FAM193B: variants seen among roughly 807,000 people sequenced by gnomAD.
The protein encoded by FAM193B is protein FAM193B.
In FAM193B, 27 loss-of-function variants were observed where a neutral mutation model predicts 70.7. That is an observed-to-expected ratio of 0.38 (90% confidence interval 0.28 to 0.53). FAM193B has a LOEUF of 0.53. Among genes scored for constraint, FAM193B ranks in the 20% least tolerant of loss-of-function variants. The probability of loss-of-function intolerance (pLI) is 0.81; values close to 1 mark genes in which losing one functional copy is unlikely to be tolerated. For missense variants in FAM193B, 1,022 were observed against 1,072.5 expected, an observed-to-expected ratio of 0.95 and a Z score of 0.66; for synonymous variants, 448 against 436.0, an observed-to-expected ratio of 1.03 and a Z score of -0.34.
chr5:177,530,354 C>A (rs1331648776), intron 5 of FAM193B, among the ~76,000 whole-genome samples: 1 of 152,202 alleles, frequency 6.6e-6, no homozygotes, highest in Admixed American at 6.5e-5. Flanking sequence ...TTCTGCAAAT[C>A]CCATCCTGGC....
chr5:177,553,956 C>G, intron 1 of FAM193B: 1 of 1,238,484 alleles, frequency 8.1e-7, no homozygotes, highest in Non-Finnish European at 1.0e-6. Flanking sequence ...GGGATCACAG[C>G]CCAGTCCCAG....
At chr5:177,526,896 G>C (rs758448449) in intron 5 of FAM193B, among the ~76,000 whole-genome samples, 1 of 152,234 alleles carries the variant, frequency 6.6e-6, no homozygotes, top group Non-Finnish European at 1.5e-5. Flanking sequence ...TTTAGCGTAC[G>C]TGAGACATTC....
At chr5:177,552,095 G>A (rs1433186851) in intron 1 of FAM193B, 4 of 984,572 alleles carry the variant, frequency 4.1e-6, no homozygotes, top group South Asian at 4.7e-5. Flanking sequence ...AGTCATTTGG[G>A]CAAATGTTTA....
intron 1 of FAM193B, among the ~76,000 whole-genome samples, chr5:177,540,197 C>G (rs1764676665): frequency 6.6e-6 from 1 of 151,528 alleles, no homozygotes; most frequent in African/African-American, 2.4e-5. Context: ...GTCCCAGCTA[C>G]TCGGGAGGCT....
intron 4 of FAM193B, among the ~76,000 whole-genome samples, chr5:177,533,066 G>T (rs973973548): frequency 2.3e-4 from 35 of 152,224 alleles, no homozygotes; most frequent in Admixed American, 2.1e-3. Context: ...CCTGCACACA[G>T]CAGGTGCTCA....
Position 177,532,270 on chromosome 5 carries a change from C to T in FAM193B, c.1275+173G>A. On this transcript the variant is annotated intron_variant, in intron 5 of 8. Coordinates refer to ENST00000514747, the MANE Select transcript of FAM193B (RefSeq NM_001190946.3). The surrounding 1 kb of genome is among the most constrained non-coding windows in gnomAD (Gnocchi z 4.9). The stretch of plus-strand genomic sequence containing the variant: ...AAGGTAGCAAAATGTTTAAAAACCC[C>T]TACCTCACAAATGTGCTGTGAGGAT... 6.7e-7 allele frequency: 1 copy of T among 1,489,488 alleles called. No individual in the cohort carries two copies. The highest frequency in any genetic ancestry group is 8.9e-7 in the Non-Finnish European group (1 of 1,125,124). 92.3% of individuals were successfully genotyped at this position (1,489,488 alleles called of 1,614,324 possible).
chr5:177,537,920 C>T lies in FAM193B; in HGVS notation c.641G>A (p.Ser214Asn). 1.2e-6 allele frequency: 2 copies of T among 1,600,744 alleles called. No homozygotes were observed. The highest frequency in any genetic ancestry group is 1.7e-6 in the Non-Finnish European group (2 of 1,173,728). ...AAGAGAGCTGCCTGGCATGGCCCCACTGGAATGTGGGGAATTCCAGAGGCC... is the reference window on the plus strand; with the variant it reads ...AAGAGAGCTGCCTGGCATGGCCCCATTGGAATGTGGGGAATTCCAGAGGCC... ...LSGLWNSPHS[S>N]GAMPGSSLGS... The change falls in exon 3 of 9, where the codon AGT becomes AAT. Residue 214 changes from serine to asparagine, a missense_variant. Ser to Asn is a conservative substitution (Grantham distance 46). Transcript: ENST00000514747.
rs781085539 is a variant in FAM193B, at chr5:177,524,749, C to T, written c.1732G>A (p.Val578Ile). 27 of 1,534,532 alleles carry T rather than the reference C, an allele frequency of 1.8e-5. No homozygotes were observed. The highest frequency in any genetic ancestry group is 2.6e-5 in the South Asian group (2 of 78,066). Residue 578 changes from valine (V) to isoleucine (I), a missense_variant, in exon 6 of 9, where the codon GTC (valine) becomes ATC (isoleucine). Val to Ile is a conservative substitution (Grantham distance 29, BLOSUM62 3). Transcript: ENST00000514747. The stretch of plus-strand genomic sequence containing the variant: ...CTCCTCACGAGCCCGTTCTCGGGGA[C>T]GATACCGGGAGGGGGCCCCCTCACC... ...TEVRGPPPGI[V>I]PENGLVRRLN...
At chr5:177,546,606 G>A (rs1041250898) in intron 1 of FAM193B, among the ~76,000 whole-genome samples, 11 of 152,226 alleles carry the variant, frequency 7.2e-5, no homozygotes, top group African/African-American at 2.4e-4. Flanking sequence ...TTCTAATGCT[G>A]ACAATCAGAG....
intron 5 of FAM193B, among the ~76,000 whole-genome samples, chr5:177,530,530 C>A (rs1763290850): frequency 1.3e-5 from 2 of 152,228 alleles, no homozygotes; most frequent in Admixed American, 6.5e-5. Context: ...TCTCCCTTGG[C>A]CTGCGTTTCC....
rs775896827 is a variant in FAM193B, at chr5:177,524,910, G to A, written c.1571C>T (p.Ser524Leu). The A allele has an allele frequency of 6.6e-6, 10 of 1,509,186 alleles. No individual in the cohort carries two copies. The highest frequency in any genetic ancestry group is 8.8e-6 in the Non-Finnish European group (10 of 1,130,408). 93.5% of individuals were successfully genotyped at this position (1,509,186 alleles called of 1,614,324 possible). A position where few individuals can be genotyped will look rare whatever the true frequency, so the allele number is the denominator to read the frequency against. The change falls in exon 6 of 9, where the codon TCA becomes TTA. Residue 524 changes from serine to leucine, a missense_variant. Physicochemically the swap from Ser to Leu is moderately radical, Grantham distance 145 (BLOSUM62 -2). Coordinates refer to ENST00000514747, the MANE Select transcript of FAM193B (RefSeq NM_001190946.3). ...AAGGTTGATGTCAGGCTGCTGCTCT[G>A]AGGAGCCACTGAGGTTTGAGGGGGG... is the stretch of plus-strand genomic sequence containing the variant. ...SLPPSNLSGS[S>L]EQQPDINLDL...
rs1264127904 is a variant in FAM193B, at chr5:177,538,979, G to C, written c.379C>G (p.Leu127Val). ...TTTCGGCAACTCTGGCAGACCCACAGAGGCATCTCGCCTAGGAGATTCTTG... is the reference window on the plus strand; with the variant it reads ...TTTCGGCAACTCTGGCAGACCCACACAGGCATCTCGCCTAGGAGATTCTTG... ...LVKNLLGEMPLWVCQSCRKSM... is the reference protein window; with the variant it reads ...LVKNLLGEMPVWVCQSCRKSM... Residue 127 changes from leucine (L) to valine (V), a missense_variant, in exon 2 of 9, where the codon CTG (leucine) becomes GTG (valine). Leu to Val is a conservative substitution (Grantham distance 32, BLOSUM62 1). Transcript: ENST00000514747. This position sits in a 1 kb window ranked among gnomAD's most constrained non-coding sequence, Gnocchi z 4.1. 6.2e-7 allele frequency: 1 copy of C among 1,613,950 alleles called. No individual in the cohort carries two copies. Among genetic ancestry groups the C allele is most frequent in the Admixed American group, 1.7e-5 (1 of 60,014 alleles).
intron 4 of FAM193B, 198 bp downstream of exon 4, chr5:177,536,160 G>T: frequency 1.6e-6 from 1 of 608,104 alleles, no homozygotes; most frequent in Non-Finnish European, 2.8e-6. Context: ...TGATCTTCCT[G>T]CCTAGGACTC....
In FAM193B at chr5:177,524,044, C is replaced by A; in HGVS notation, c.2297-12G>T. 6.2e-7 allele frequency: 1 copy of A among 1,614,046 alleles called. No homozygotes were observed. Among genetic ancestry groups the A allele is most frequent in the South Asian group, 1.1e-5 (1 of 91,092 alleles). ...CAGGAACACATCGTCTAGGAAGACACAGCCAGGAGGGCTCAGTGCCCATGG... is the reference window on the plus strand; with the variant it reads ...CAGGAACACATCGTCTAGGAAGACAAAGCCAGGAGGGCTCAGTGCCCATGG... On this transcript the variant is annotated splice_polypyrimidine_tract_variant and intron_variant, in intron 6 of 8. Coordinates refer to ENST00000514747, the MANE Select transcript of FAM193B (RefSeq NM_001190946.3).
In FAM193B at chr5:177,532,027, C is replaced by T. The variant is rs967019057; in HGVS notation, c.1275+416G>A. 3.6e-5 allele frequency: 47 copies of T among 1,291,928 alleles called. No homozygotes were observed. Among genetic ancestry groups the T allele is most frequent in the East Asian group, 5.5e-5 (1 of 18,186 alleles). The allele number at this position is 1,291,928 out of a possible 1,614,324, so 80.0% of individuals were successfully genotyped here. ...CCTCTGATCTGAGCCTCCTTCCTGG[C>T]GCCGTCTGTGCTCACGGCCTGTCCC... is the stretch of plus-strand genomic sequence containing the variant. On this transcript the variant is annotated intron_variant, in intron 5 of 8. Transcript: ENST00000514747. The surrounding 1 kb of genome is among the most constrained non-coding windows in gnomAD (Gnocchi z 4.9).
At chr5:177,525,889 G>A (rs1762519150) in intron 5 of FAM193B, among the ~76,000 whole-genome samples, 2 of 152,258 alleles carry the variant, frequency 1.3e-5, no homozygotes, top group South Asian at 4.1e-4. Context: ...TCTGGATCTA[G>A]GGAATCAAAA....
At chr5:177,523,632 G>A (rs1762112251) in intron 7 of FAM193B, among the ~76,000 whole-genome samples, 1 of 152,230 alleles carries the variant, frequency 6.6e-6, no homozygotes, top group Admixed American at 6.5e-5. Context: ...GGTCTAGACT[G>A]CTTCATTGAC....
chr5:177,545,056 TTTTTTAA>T (rs1765248848), intron 1 of FAM193B, among the ~76,000 whole-genome samples: 2 of 152,236 alleles, frequency 1.3e-5, no homozygotes, highest in South Asian at 4.1e-4. Flanking sequence ...TTCTAATTTT[TTTTTTAA>T]GATGAAATCT....
At chr5:177,525,299 T>C in intron 5 of FAM193B, 94 bp from the exon 6 acceptor site, 1 of 1,248,788 alleles carries the variant, frequency 8.0e-7, no homozygotes, top group Non-Finnish European at 1.0e-6. Flanking sequence ...GCTTTGCCAC[T>C]AACTTGCTGG....
Sources: allele counts gnomAD v4.1 joint callset (sites outside exome capture counted in the v4.1 genomes callset), GRCh38; gene constraint gnomAD v4.1.1; non-coding constraint Gnocchi (gnomAD v3.1); transcripts MANE v1.5; gene names NCBI Gene and HGNC (gene_info 2026-07-23, HGNC 2026-07-21).